The following EPHA2 variants were observed in gnomAD, a reference collection of about 807,000 sequenced individuals.
The protein encoded by EPHA2 is EPH receptor A2, also known as ephrin type-A receptor 2.
EPHA2 carries 54 observed loss-of-function variants against 104.9 expected under a neutral mutation model. That is an observed-to-expected ratio of 0.51 (90% confidence interval 0.41 to 0.65). The LOEUF (loss-of-function observed/expected upper bound fraction) is 0.65. Among genes scored for constraint, EPHA2 ranks in the 30% least tolerant of loss-of-function variants. The pLI is 0.00. For synonymous variants in EPHA2, 560 were observed against 559.1 expected (o/e 1.00, Z -0.02); for missense variants, 1,117 against 1,369.5 (o/e 0.82, Z 2.91).
At position 16,150,265 on chromosome 1, in the gene EPHA2, G is replaced by A. The variant is rs1045964062; in HGVS notation, c.153+631C>T. 6.6e-6 allele frequency among the ~76,000 whole-genome samples: 1 copy of A among 151,994 alleles called. No individual in the cohort carries two copies. The highest frequency in any genetic ancestry group is 6.6e-5 in the Admixed American group (1 of 15,260). On this transcript the variant is annotated intron_variant, in intron 2 of 16. Transcript: ENST00000358432. The surrounding 1 kb of genome is among the most constrained non-coding windows in gnomAD (Gnocchi z 4.8). ...CCCATTGTATAGAGAGGGAAACTGA[G>A]GCCCCGAGAGCCACATCTTCCCCAA...
rs2024622346 is a variant in EPHA2 at position 16,133,593 on chromosome 1, G to T, written c.1752C>A (p.Pro584=). 1 of 1,613,918 alleles carries T rather than the reference G, an allele frequency of 6.2e-7. No homozygotes were observed. Among genetic ancestry groups the T allele is most frequent in the African/African-American group, 1.3e-5 (1 of 74,916 alleles). The change falls in exon 10 of 17, where the codon CCC becomes CCA. Residue 584 remains proline (P), a synonymous_variant. Transcript: ENST00000358432. Reference sequence around the variant, plus strand: ...TGTGGGGGTCCACGTATGTCTTCAGGGGCTTCAGTTGTTCTGGAAGGAGAA... The same window carrying T: ...TGTGGGGGTCCACGTATGTCTTCAGTGGCTTCAGTTGTTCTGGAAGGAGAA... ...VYFSKSEQLK[P]LKTYVDPHTY...
intron 3 of EPHA2, among the ~76,000 whole-genome samples, chr1:16,142,420 G>T (rs539186422): frequency 6.6e-6 from 1 of 152,360 alleles, no homozygotes; most frequent in South Asian, 2.1e-4. Context: ...AGCAGGAATG[G>T]AGACCAATTT....
At chr1:16,138,618 C>T (rs1369128407) in intron 3 of EPHA2, among the ~76,000 whole-genome samples, 188 bp from the exon 4 acceptor site, 3 of 152,184 alleles carry the variant, frequency 2.0e-5, no homozygotes, top group Non-Finnish European at 4.4e-5. Flanking sequence ...TAGCATGTAC[C>T]GGGCACCCAG....
At position 16,128,339 on chromosome 1, in the gene EPHA2, G is replaced by A. The variant is rs72887923; in HGVS notation, c.2825+1095C>T. Among the ~76,000 whole-genome samples, 4 of 152,070 alleles carry A rather than the reference G, an allele frequency of 2.6e-5. No homozygotes were observed. The highest frequency in any genetic ancestry group is 4.4e-5 in the Non-Finnish European group (3 of 68,006). ...ACGTGTCCCCGCCTCCCCTCTGGTC[G>A]GCTCTGTTCCTGCCTGCTTCCCATC... On this transcript the variant is annotated intron_variant, in intron 16 of 16. Transcript: ENST00000358432. The surrounding 1 kb of genome is among the most constrained non-coding windows in gnomAD (Gnocchi z 4.7).
Position 16,133,588 on chromosome 1 carries a change from T to G in EPHA2, c.1757A>C (p.Lys586Thr). ...ATATGTGTGGGGGTCCACGTATGTC[T>G]TCAGGGGCTTCAGTTGTTCTGGAAG... ...FSKSEQLKPL[K>T]TYVDPHTYED... Residue 586 changes from lysine (K) to threonine (T), a missense_variant, in exon 10 of 17, where the codon AAG becomes ACG. Physicochemically the swap from Lys to Thr is moderately conservative, Grantham distance 78 (BLOSUM62 -1). Transcript: ENST00000358432. 2 of 1,614,050 alleles carry G rather than the reference T, an allele frequency of 1.2e-6. No individual in the cohort carries two copies. The highest frequency in any genetic ancestry group is 1.7e-6 in the Non-Finnish European group (2 of 1,179,970).
In EPHA2 at chr1:16,128,648, T is replaced by G. The variant is rs4661707; in HGVS notation, c.2825+786A>C. Among the ~76,000 whole-genome samples, 45 of 152,290 alleles carry G rather than the reference T, an allele frequency of 3.0e-4. No homozygotes were observed. Among genetic ancestry groups the G allele is most frequent in the African/African-American group, 8.9e-4 (37 of 41,546 alleles). On this transcript the variant is annotated intron_variant, in intron 16 of 16. Transcript: ENST00000358432. This position sits in a 1 kb window ranked among gnomAD's most constrained non-coding sequence, Gnocchi z 4.7. ...AGGCTAAGAGGATAGGGTCTCCCCC[T>G]TCCTGGGACAGGAGGAGGTGTCTGT...
At chr1:16,149,101 C>A in intron 2 of EPHA2, 54 bp from the exon 3 acceptor site, 1 of 1,589,060 alleles carries the variant, frequency 6.3e-7, no homozygotes, top group Non-Finnish European at 8.6e-7. Flanking sequence ...AAACTGAGGC[C>A]CAGGTGGCAG....
chr1:16,148,982 C>T lies in EPHA2; in HGVS notation c.219G>A (p.Met73Ile), dbSNP rs767929898. ...PIYMYSVCNV[M>I]SGDQDNWLRT... ...GGAGCCAGTTGTCCTGGTCGCCAGA[C>T]ATCACGTTGCACACGGAGTACATGT... The change falls in exon 3 of 17, where the codon ATG becomes ATA. Residue 73 changes from methionine to isoleucine, a missense_variant. Met to Ile is a conservative substitution (Grantham distance 10). Coordinates refer to ENST00000358432, the MANE Select transcript of EPHA2 (RefSeq NM_004431.5). This position sits in a 1 kb window ranked among gnomAD's most constrained non-coding sequence, Gnocchi z 4.9. 2 of 1,614,136 alleles carry T rather than the reference C, an allele frequency of 1.2e-6. No homozygotes were observed. Among genetic ancestry groups the T allele is most frequent in the Non-Finnish European group, 1.7e-6 (2 of 1,180,046 alleles).
intron 3 of EPHA2, among the ~76,000 whole-genome samples, chr1:16,146,175 G>A (rs1180643763): frequency 2.0e-5 from 3 of 152,224 alleles, no homozygotes; most frequent in African/African-American, 4.8e-5. Flanking sequence ...GGAGGATCCC[G>A]AGGAGGAACA....
At chr1:16,146,301 C>G (rs2024931992) in intron 3 of EPHA2, 1 of 152,216 alleles carries the variant, frequency 6.6e-6, no homozygotes, top group Non-Finnish European at 1.5e-5. Flanking sequence ...CTGCTCGGCT[C>G]TCTGCAAACA....
Position 16,134,666 on chromosome 1 carries a change from G to A in EPHA2, c.1583-99C>T. ...CACCTGGGCCCCTACTGTGTGCTGGGTGCTTGCACTTGGGAAGGCTCCAGA... is the reference window on the plus strand; with the variant it reads ...CACCTGGGCCCCTACTGTGTGCTGGATGCTTGCACTTGGGAAGGCTCCAGA... On this transcript the variant is annotated intron_variant, in intron 7 of 16. Transcript: ENST00000358432. The surrounding 1 kb of genome is among the most constrained non-coding windows in gnomAD (Gnocchi z 4.5). 2 of 1,311,392 alleles carry A rather than the reference G, an allele frequency of 1.5e-6. No individual in the cohort carries two copies. Among genetic ancestry groups the A allele is most frequent in the Non-Finnish European group, 2.2e-6 (2 of 926,282 alleles). 81.2% of individuals were successfully genotyped at this position (1,311,392 alleles called of 1,614,324 possible). A position where few individuals can be genotyped will look rare whatever the true frequency, so the allele number is the denominator to read the frequency against.
At chr1:16,145,951 G>A (rs1400751137) in intron 3 of EPHA2, among the ~76,000 whole-genome samples, 1 of 152,198 alleles carries the variant, frequency 6.6e-6, no homozygotes, top group Non-Finnish European at 1.5e-5. Flanking sequence ...GCAGAAAGGC[G>A]GTGTGGATTC....
At position 16,129,619 on chromosome 1, in the gene EPHA2, CT is replaced by C. The variant is rs758508631; in HGVS notation, c.2670-31del. 2.5e-6 allele frequency: 4 copies of C among 1,595,488 alleles called. No individual in the cohort carries two copies. In the South Asian group the frequency reaches 4.4e-5, roughly 18 times the overall value. On this transcript the variant is annotated intron_variant, in intron 15 of 16. Coordinates refer to ENST00000358432, the MANE Select transcript of EPHA2 (RefSeq NM_004431.5). ...AACAGGAAGCACTGCAGGTGAGGGG[CT>C]GCAGCACCCAGTCCACCCTGGGCCC...
rs1004005618 is a variant in EPHA2, at chr1:16,150,666, C to A, written c.153+230G>T. On this transcript the variant is annotated intron_variant, in intron 2 of 16. Transcript: ENST00000358432. The surrounding 1 kb of genome is among the most constrained non-coding windows in gnomAD (Gnocchi z 4.8). ...CCTTCTCTGTCTCCCCAGTTCCCCCCACCTCTCAGGCTTACACCCACACCC... is the reference window on the plus strand; with the variant it reads ...CCTTCTCTGTCTCCCCAGTTCCCCCAACCTCTCAGGCTTACACCCACACCC... Among the ~76,000 whole-genome samples, 1 of 152,198 alleles carries A rather than the reference C, an allele frequency of 6.6e-6. No homozygotes were observed. The highest frequency in any genetic ancestry group is 1.5e-5 in the Non-Finnish European group (1 of 68,028).
intron 1 of EPHA2, among the ~76,000 whole-genome samples, chr1:16,154,756 CAAAAA>C (rs558609049): frequency 9.1e-4 from 61 of 66,890 alleles, no homozygotes; most frequent in African/African-American, 3.0e-3. Flanking sequence ...AACTCCGTCT[CAAAAA>C]AAAAAAAAAA....
In EPHA2 at chr1:16,124,976, G is replaced by A. The variant is rs938894319; in HGVS notation, c.*239C>T. ...TGCTCCAGGGATGCTGGGACGTGGC[G>A]GTGCCTGCTAAGTGCTCAGCTGTGT... On this transcript the variant is annotated 3_prime_UTR_variant, in exon 17 of 17. Transcript: ENST00000358432. 205 of 545,018 alleles carry A rather than the reference G, an allele frequency of 3.8e-4. No individual in the cohort carries two copies. Among genetic ancestry groups the A allele is most frequent in the Non-Finnish European group, 6.1e-4 (182 of 300,806 alleles). 33.8% of individuals were successfully genotyped at this position (545,018 alleles called of 1,614,324 possible).
In EPHA2 at chr1:16,134,564, G is replaced by T; in HGVS notation, c.1586C>A (p.Pro529Gln). 6.2e-7 allele frequency: 1 copy of T among 1,613,948 alleles called. No homozygotes were observed. Among genetic ancestry groups the T allele is most frequent in the Non-Finnish European group, 8.5e-7 (1 of 1,179,980 alleles). Residue 529 changes from proline to glutamine, a missense_variant, in exon 8 of 17, where the codon CCG becomes CAG. By Grantham distance (76) the Pro-to-Gln change is moderately conservative (BLOSUM62 -1). Transcript: ENST00000358432. This position sits in a 1 kb window ranked among gnomAD's most constrained non-coding sequence, Gnocchi z 4.5. ...CACCGCCAAGTTGCCAGATCCCTCC[G>T]GGGCTGGTGGAAGAAATCAGCTGAT... is the stretch of plus-strand genomic sequence containing the variant. ...SKVHEFQTLS[P>Q]EGSGNLAVIG...
rs771963311 is a variant in EPHA2, at chr1:16,133,161, G to C, written c.2053+19C>G. On this transcript the variant is annotated intron_variant, in intron 11 of 16. Transcript: ENST00000358432. ...AAGTGGCCCCTCTCCACCCAGTGTG[G>C]GCAGGCCCCAAGCCTCACATTTGGA... is the stretch of plus-strand genomic sequence containing the variant. 6.2e-7 allele frequency: 1 copy of C among 1,612,518 alleles called. No homozygotes were observed. Among genetic ancestry groups the C allele is most frequent in the South Asian group, 1.1e-5 (1 of 91,076 alleles).
Position 16,132,226 on chromosome 1 carries a change from C to A in EPHA2, c.2163G>T (p.Arg721=), listed in dbSNP as rs776614918. 2 of 1,614,190 alleles carry A rather than the reference C, an allele frequency of 1.2e-6. No individual in the cohort carries two copies. Among genetic ancestry groups the A allele is most frequent in the Non-Finnish European group, 1.7e-6 (2 of 1,180,036 alleles). ...GGTACTTCATGCCAGCTGCGATGCC[C>A]CGCAGCATGCCCACCAGCTGCAGCA... ...FSVLQLVGML[R]GIAAGMKYLA... is the part of the protein sequence containing the mutation. The change falls in exon 13 of 17, where the codon CGG becomes CGT. Residue 721 remains arginine (R), a synonymous_variant. Transcript: ENST00000358432.
Sources: allele counts gnomAD v4.1 joint callset (sites outside exome capture counted in the v4.1 genomes callset), GRCh38; gene constraint gnomAD v4.1.1; non-coding constraint Gnocchi (gnomAD v3.1); transcripts MANE v1.5; gene names NCBI Gene and HGNC (gene_info 2026-07-23, HGNC 2026-07-21).